The following ORC3 variants were observed in gnomAD, a reference collection of about 807,000 sequenced individuals.
The protein encoded by ORC3 is origin recognition complex subunit 3, also known as homolog of latheo, Drosophila.
ORC3 carries 78 observed loss-of-function variants against 100.7 expected under a neutral mutation model. That is an observed-to-expected ratio of 0.77 (90% CI 0.65 to 0.94). The LOEUF is 0.94. Among genes scored for constraint, ORC3 ranks in the 40% least tolerant of loss-of-function variants. ORC3 has a pLI of 0.00. For missense variants in ORC3, 789 were observed against 823.9 expected, an observed-to-expected ratio of 0.96 and a Z score of 0.52; for synonymous variants, 295 against 289.3, an observed-to-expected ratio of 1.02 and a Z score of -0.20.
At chr6:87,596,306 G>T (rs1277668896) in intron 2 of ORC3, among the ~76,000 whole-genome samples, 1 of 151,738 alleles carries the variant, frequency 6.6e-6, no homozygotes, top group Non-Finnish European at 1.5e-5. Flanking sequence ...GCTAATTTTT[G>T]TATTTTTTAG....
At chr6:87,627,746 T>C (rs1679022569) in intron 11 of ORC3, among the ~76,000 whole-genome samples, 1 of 152,232 alleles carries the variant, frequency 6.6e-6, no homozygotes, top group African/African-American at 2.4e-5. Flanking sequence ...GCCCATTTTC[T>C]ATATTCAAGT....
chr6:87,667,658 G>T (rs934127948), downstream of ORC3, among the ~76,000 whole-genome samples: 1 of 151,974 alleles, frequency 6.6e-6, no homozygotes, highest in Non-Finnish European at 1.5e-5. Flanking sequence ...GCCAGGCGTG[G>T]TGGCTCACAC....
chr6:87,671,415 A>C (rs1770829282), downstream of ORC3, among the ~76,000 whole-genome samples: 1 of 152,092 alleles, frequency 6.6e-6, no homozygotes, highest in Non-Finnish European at 1.5e-5. Context: ...AGGATGACTG[A>C]GAGGAAAAAT....
At chr6:87,595,723 C>T (rs141548516) in intron 2 of ORC3, among the ~76,000 whole-genome samples, 38 of 152,328 alleles carry the variant, frequency 2.5e-4, no homozygotes, top group African/African-American at 9.1e-4. Context: ...CATAGACACA[C>T]ATACTCATGA....
chr6:87,611,883 A>G (rs1175454931), intron 7 of ORC3, among the ~76,000 whole-genome samples: 1 of 152,228 alleles, frequency 6.6e-6, no homozygotes, highest in Non-Finnish European at 1.5e-5. Context: ...GATTGATTTC[A>G]AAGCTAGACT....
intron 13 of ORC3, among the ~76,000 whole-genome samples, chr6:87,639,234 A>C (rs1315312461): frequency 1.3e-5 from 2 of 152,188 alleles, no homozygotes; most frequent in African/African-American, 4.8e-5. Flanking sequence ...GGAAGCTGAC[A>C]TGTTTAAATA....
chr6:87,627,059 G>A (rs981514560), intron 11 of ORC3, among the ~76,000 whole-genome samples: 70 of 151,494 alleles, frequency 4.6e-4, no homozygotes, highest in Non-Finnish European at 8.8e-5. Flanking sequence ...GTGTAATGGC[G>A]TTATCTCGGC....
chr6:87,614,944 C>A (rs1311689053), intron 8 of ORC3, among the ~76,000 whole-genome samples: 1 of 152,188 alleles, frequency 6.6e-6, no homozygotes, highest in Non-Finnish European at 1.5e-5. Context: ...AAGTCACTTC[C>A]ACATTTTTGG....
Position 87,590,211 on chromosome 6 carries a change from G to A in ORC3, c.24+19G>A, listed in dbSNP as rs1355963704. ...GTCTAAGGTATGTGGTGGCCGATGC[G>A]CACTGTGGCTCTACCGCTGCCTCAT... On this transcript the variant is annotated intron_variant, in intron 1 of 19. Transcript: ENST00000392844. 8 of 1,612,134 alleles carry A rather than the reference G, an allele frequency of 5.0e-6. No individual in the cohort carries two copies. In the South Asian group the frequency reaches 5.5e-5, roughly 11 times the overall value.
intron 11 of ORC3, among the ~76,000 whole-genome samples, chr6:87,626,671 C>T (rs1779920420): frequency 6.6e-6 from 1 of 151,826 alleles, no homozygotes; most frequent in African/African-American, 2.4e-5. Flanking sequence ...CTTGTTAACC[C>T]AGCTACTTGG....
chr6:87,627,409 C>T (rs192081605), intron 11 of ORC3, among the ~76,000 whole-genome samples: 1 of 150,704 alleles, frequency 6.6e-6, no homozygotes, highest in African/African-American at 2.4e-5. Context: ...CATTCTCCTG[C>T]CTCAGCCTCC....
At chr6:87,669,797 C>CCAT (rs1257556885), downstream of ORC3, among the ~76,000 whole-genome samples, 1 of 152,122 alleles carries the variant, frequency 6.6e-6, no homozygotes, top group African/African-American at 2.4e-5. Flanking sequence ...AATGATTTTT[C>CCAT]CATCTATTTA....
intron 13 of ORC3, among the ~76,000 whole-genome samples, chr6:87,643,714 T>G (rs1435755341): frequency 3.3e-5 from 5 of 152,208 alleles, no homozygotes; most frequent in Admixed American, 2.0e-4. Context: ...CAGAAATAAC[T>G]CATCAAATTT....
chr6:87,655,256 C>A (rs1239554640), intron 14 of ORC3, among the ~76,000 whole-genome samples: 2 of 152,036 alleles, frequency 1.3e-5, no homozygotes, highest in Non-Finnish European at 2.9e-5. Context: ...GCAGTCATAG[C>A]TCACAGTTCC....
rs1171504508 is a variant in ORC3, at chr6:87,610,990, G to A, written c.714-1099G>A. ...CTGGCTCTGTCACCCAGGCTAGAGC[G>A]CAGTGACATGATCTTGGCTCACTGC... On this transcript the variant is annotated intron_variant, in intron 7 of 19. Transcript: ENST00000392844. Among the ~76,000 whole-genome samples, 6 of 138,948 alleles carry A rather than the reference G, an allele frequency of 4.3e-5. No homozygotes were observed. In the East Asian group the frequency reaches 6.4e-4, roughly 15 times the overall value. The allele number at this position is 138,948 out of a possible 152,430, so 91.2% of individuals were successfully genotyped here. A position where few individuals can be genotyped will look rare whatever the true frequency, so the allele number is the denominator to read the frequency against.
intron 13 of ORC3, among the ~76,000 whole-genome samples, chr6:87,649,111 ACCGTACTT>A (rs1421904930): frequency 3.3e-5 from 5 of 152,274 alleles, no homozygotes; most frequent in Non-Finnish European, 5.9e-5. Flanking sequence ...CTGCTCCCAG[ACCGTACTT>A]ACATTTTTAT....
intron 11 of ORC3, among the ~76,000 whole-genome samples, chr6:87,634,013 G>C (rs377055710): frequency 5.6e-4 from 85 of 151,974 alleles, no homozygotes; most frequent in African/African-American, 1.9e-3. Flanking sequence ...TTCGGTTGTG[G>C]GTTTTTTATT....
intron 19 of ORC3, among the ~76,000 whole-genome samples, chr6:87,666,214 G>A (rs1770592281): frequency 2.0e-5 from 3 of 151,762 alleles, no homozygotes; most frequent in East Asian, 1.9e-4. Flanking sequence ...TGACTGCAAC[G>A]TCCGCCTCCT....
chr6:87,641,835 C>T (rs1768281975), intron 13 of ORC3, among the ~76,000 whole-genome samples: 1 of 152,142 alleles, frequency 6.6e-6, no homozygotes, highest in Non-Finnish European at 1.5e-5. Context: ...AATTTGGACT[C>T]TAAGTAATGC....
Sources: gnomAD v4.1 joint callset for allele counts (sites outside exome capture counted in the v4.1 genomes callset) on GRCh38, gnomAD v4.1.1 for gene constraint, MANE v1.5 for transcripts, NCBI Gene and HGNC (gene_info 2026-07-23, HGNC 2026-07-21) for gene names.